The following ARK2C variants were observed in gnomAD, a reference collection of about 807,000 sequenced individuals.
ARK2C encodes the protein arkadia (RNF111) C-terminal like ring finger ubiquitin ligase 2C.
At chr18:46,356,927 G>C in the ARK2C span, among the ~76,000 whole-genome samples, 11 of 152,168 alleles carry the variant, frequency 7.2e-5, no homozygotes, top group African/African-American at 2.7e-4. Context: ...GGCTGGAAAG[G>C]CGTGATCTGT....
chr18:46,335,716 G>A, the ARK2C span: 2 of 193,226 alleles, frequency 1.0e-5, no homozygotes, highest in Admixed American at 1.3e-4. Context: ...GCAAGAAAAG[G>A]AAAGCCCAGC....
At chr18:46,359,050 C>G in the ARK2C span, among the ~76,000 whole-genome samples, 1 of 152,214 alleles carries the variant, frequency 6.6e-6, no homozygotes, top group Non-Finnish European at 1.5e-5. Flanking sequence ...TCACTTCCCC[C>G]TCCCAGGACT....
At chr18:46,398,605 G>C in the ARK2C span, among the ~76,000 whole-genome samples, 4 of 152,070 alleles carry the variant, frequency 2.6e-5, no homozygotes, top group South Asian at 8.3e-4. Context: ...AGTGGGAAGA[G>C]AAGGGCTGGA....
the ARK2C span, chr18:46,334,418 G>A: frequency 2.5e-6 from 3 of 1,221,936 alleles, no homozygotes; most frequent in Admixed American, 2.6e-5. This position sits in a 1 kb window ranked among gnomAD's most constrained non-coding sequence, Gnocchi z 4.4. Flanking sequence ...GCGGGCGGCC[G>A]GGGGCTCAGG....
chr18:46,378,860 C>T, the ARK2C span, among the ~76,000 whole-genome samples: 1 of 152,130 alleles, frequency 6.6e-6, no homozygotes, highest in Admixed American at 6.5e-5. Flanking sequence ...GAGAGGTGCC[C>T]CTCCTATGAA....
At chr18:46,435,415 T>TG in the ARK2C span, 2 of 1,575,458 alleles carry the variant, frequency 1.3e-6, no homozygotes, top group Non-Finnish European at 1.7e-6. Context: ...TCAGGGCCCC[T>TG]GGGGGAGGAA....
chr18:46,417,632 A>T, the ARK2C span, among the ~76,000 whole-genome samples: 1 of 152,320 alleles, frequency 6.6e-6, no homozygotes, highest in African/African-American at 2.4e-5. Context: ...CATTTTTTCC[A>T]TAGCTCTGTC....
At chr18:46,453,516 G>A in the ARK2C span, among the ~76,000 whole-genome samples, 1 of 151,440 alleles carries the variant, frequency 6.6e-6, no homozygotes, top group African/African-American at 2.4e-5. Flanking sequence ...AGAATAAAAA[G>A]AATTAAGGGA....
At chr18:46,348,788 C>T in the ARK2C span, among the ~76,000 whole-genome samples, 1 of 152,074 alleles carries the variant, frequency 6.6e-6, no homozygotes, top group South Asian at 2.1e-4. Flanking sequence ...AGTCGGTGTG[C>T]GTATTAGCAA....
the ARK2C span, among the ~76,000 whole-genome samples, chr18:46,435,720 T>TG: frequency 2.6e-5 from 4 of 152,176 alleles, no homozygotes; most frequent in East Asian, 1.9e-4. Context: ...CAGTGGTCCC[T>TG]GGGGGGAGAG....
At chr18:46,456,112 C>A in the ARK2C span, 1 of 1,322,158 alleles carries the variant, frequency 7.6e-7, no homozygotes, top group Non-Finnish European at 1.1e-6. Flanking sequence ...TCCCTCTCCC[C>A]TCTCTTATAG....
At chr18:46,435,524 C>A in the ARK2C span, 8 of 731,650 alleles carry the variant, frequency 1.1e-5, no homozygotes, top group South Asian at 1.2e-4. Flanking sequence ...CAGGCCCCAG[C>A]GTTTGCCTCT....
chr18:46,456,324 G>T, the ARK2C span, among the ~76,000 whole-genome samples: 1 of 152,186 alleles, frequency 6.6e-6, no homozygotes, highest in Non-Finnish European at 1.5e-5. Context: ...GTCTGAATGC[G>T]TCTAAGACAA....
the ARK2C span, among the ~76,000 whole-genome samples, chr18:46,378,522 T>C: frequency 1.3e-5 from 2 of 152,120 alleles, no homozygotes; most frequent in South Asian, 4.2e-4. Flanking sequence ...TTCGGGGAGC[T>C]TGGAGAAAGC....
At chr18:46,358,781 G>A in the ARK2C span, among the ~76,000 whole-genome samples, 1 of 152,178 alleles carries the variant, frequency 6.6e-6, no homozygotes. Context: ...TGCTCAGGGA[G>A]AAACCCATGG....
the ARK2C span, among the ~76,000 whole-genome samples, chr18:46,399,653 C>T: frequency 9.9e-4 from 150 of 152,282 alleles, no homozygotes; most frequent in African/African-American, 3.5e-3. Context: ...ACTGCTGGGG[C>T]CACCAGCGCT....
the ARK2C span, among the ~76,000 whole-genome samples, chr18:46,424,089 C>A: frequency 1.3e-5 from 2 of 152,202 alleles, no homozygotes; most frequent in African/African-American, 4.8e-5. Flanking sequence ...AATTCATACA[C>A]AAACAAAATG....
chr18:46,346,212 GA>G, the ARK2C span, among the ~76,000 whole-genome samples: 20 of 152,202 alleles, frequency 1.3e-4, no homozygotes, highest in Non-Finnish European at 5.9e-5. Flanking sequence ...GGGAGGCCAG[GA>G]GACGGAGAGA....
At chr18:46,348,094 T>C in the ARK2C span, among the ~76,000 whole-genome samples, 1 of 152,058 alleles carries the variant, frequency 6.6e-6, no homozygotes, top group Admixed American at 6.5e-5. Flanking sequence ...CCCTAAGGTA[T>C]GTGCTGGGTG....
Sources: allele counts gnomAD v4.1 joint callset (sites outside exome capture counted in the v4.1 genomes callset), GRCh38; gene constraint gnomAD v4.1.1; non-coding constraint Gnocchi (gnomAD v3.1); transcripts MANE v1.5; gene names NCBI Gene and HGNC (gene_info 2026-07-23, HGNC 2026-07-21).